The following DSCAML1 variants were observed in gnomAD, a reference collection of about 807,000 sequenced individuals.
The protein encoded by DSCAML1 is DS cell adhesion molecule like 1.
Under a neutral mutation model 200.5 loss-of-function variants are expected in DSCAML1, and 38 were observed. That is an observed-to-expected ratio of 0.19 (90% CI 0.15 to 0.25). DSCAML1 has a LOEUF of 0.25. Among genes scored for constraint, DSCAML1 ranks in the 10% least tolerant of loss-of-function variants. DSCAML1 has a pLI of 1.00. For synonymous variants in DSCAML1, 1,215 were observed against 1,165.0 expected (o/e 1.04, Z -0.87); for missense variants, 2,223 against 2,858.8 (o/e 0.78, Z 5.07).
chr11:117,548,885 G>A (rs2050424823), intron 3 of DSCAML1, among the ~76,000 whole-genome samples: 1 of 152,198 alleles, frequency 6.6e-6, no homozygotes, highest in Non-Finnish European at 1.5e-5. Flanking sequence ...CCGTGGAACT[G>A]TGCCTCACAT....
At chr11:117,759,923 C>T (rs2054769774) in intron 3 of DSCAML1, among the ~76,000 whole-genome samples, 1 of 152,112 alleles carries the variant, frequency 6.6e-6, no homozygotes, top group African/African-American at 2.4e-5. Flanking sequence ...GTTGAGAGCA[C>T]CAAGCCCTGC....
intron 3 of DSCAML1, among the ~76,000 whole-genome samples, chr11:117,573,599 A>G (rs961972297): frequency 2.0e-5 from 3 of 152,172 alleles, no homozygotes; most frequent in Non-Finnish European, 4.4e-5. Context: ...TGCAGTGAAG[A>G]CAGCTCTCCA....
intron 3 of DSCAML1, among the ~76,000 whole-genome samples, chr11:117,733,414 C>T (rs896347112): frequency 3.3e-5 from 5 of 152,014 alleles, no homozygotes; most frequent in Non-Finnish European, 7.4e-5. Flanking sequence ...GGATTTTTGG[C>T]CCTGTGAACA....
In DSCAML1 at chr11:117,514,572, C is replaced by CTTTT. The variant is rs532136039; in HGVS notation, c.1783+1891_1783+1894dup. Among the ~76,000 whole-genome samples, 71 of 98,266 alleles carry CTTTT rather than the reference C, an allele frequency of 7.2e-4. 1 individual carries two copies. Among genetic ancestry groups the CTTTT allele is most frequent in the African/African-American group, 1.7e-3 (41 of 24,278 alleles). The allele number at this position is 98,266 out of a possible 152,430, so 64.5% of individuals were successfully genotyped here. A position where few individuals can be genotyped will look rare whatever the true frequency, so the allele number is the denominator to read the frequency against. ...TTTACTTAACTTTTCTTTTCTTTTT[C>CTTTT]TTTTTTTTTTTTTTTTTTTTTTTTT... On this transcript the variant is annotated intron_variant, in intron 8 of 32. Transcript: ENST00000651296.
At chr11:117,574,585 T>G (rs2050900445) in intron 3 of DSCAML1, among the ~76,000 whole-genome samples, 1 of 152,156 alleles carries the variant, frequency 6.6e-6, no homozygotes, top group African/African-American at 2.4e-5. Flanking sequence ...GTCTCTGTGG[T>G]GCCTCCCCTT....
intron 3 of DSCAML1, among the ~76,000 whole-genome samples, chr11:117,623,800 G>T (rs1036045785): frequency 6.6e-6 from 1 of 152,166 alleles, no homozygotes; most frequent in Non-Finnish European, 1.5e-5. Context: ...TCTCCCAATA[G>T]ACGAGGTAGC....
At chr11:117,602,799 A>G (rs2051489140) in intron 3 of DSCAML1, among the ~76,000 whole-genome samples, 4 of 152,102 alleles carry the variant, frequency 2.6e-5, no homozygotes. Flanking sequence ...AGGAATTCAC[A>G]CACAAGTAAC....
chr11:117,481,771 GA>G (rs2048926911), intron 12 of DSCAML1, among the ~76,000 whole-genome samples, 191 bp downstream of exon 12: 1 of 152,052 alleles, frequency 6.6e-6, no homozygotes, highest in Non-Finnish European at 1.5e-5. Context: ...TCAGAAAGGA[GA>G]TACAGTGAAG....
At chr11:117,692,767 G>T (rs573821794) in intron 3 of DSCAML1, among the ~76,000 whole-genome samples, 1 of 152,158 alleles carries the variant, frequency 6.6e-6, no homozygotes, top group Non-Finnish European at 1.5e-5. Context: ...TGACCTGCAC[G>T]GAGGTATTTA....
chr11:117,460,990 C>A (rs574860076), intron 18 of DSCAML1, among the ~76,000 whole-genome samples: 1 of 152,190 alleles, frequency 6.6e-6, no homozygotes, highest in Middle Eastern at 3.4e-3. Context: ...TCATTAAACT[C>A]TTTGATCGCC....
At chr11:117,701,677 A>G (rs1789386070) in intron 3 of DSCAML1, among the ~76,000 whole-genome samples, 1 of 152,168 alleles carries the variant, frequency 6.6e-6, no homozygotes, top group South Asian at 2.1e-4. Flanking sequence ...TCTTCAAACA[A>G]AAATGCCGTG....
intron 3 of DSCAML1, among the ~76,000 whole-genome samples, chr11:117,726,770 C>A (rs1011588649): frequency 6.6e-6 from 1 of 152,116 alleles, no homozygotes; most frequent in Admixed American, 6.5e-5. Flanking sequence ...ACCTGCTAAA[C>A]CCCCAGCATG....
intron 15 of DSCAML1, among the ~76,000 whole-genome samples, chr11:117,470,291 C>T (rs1293432295): frequency 6.6e-6 from 1 of 152,174 alleles, no homozygotes; most frequent in East Asian, 1.9e-4. Context: ...AAAAGAATGT[C>T]TAGGCCGGGC....
intron 3 of DSCAML1, among the ~76,000 whole-genome samples, chr11:117,603,121 A>C (rs191642355): frequency 1.8e-3 from 274 of 152,284 alleles, no homozygotes; most frequent in Non-Finnish European, 2.3e-3. Context: ...ACAACAACAA[A>C]AAAACCCAAA....
intron 29 of DSCAML1, 43 bp downstream of exon 29, chr11:117,433,095 G>A (rs377587691): frequency 4.9e-4 from 769 of 1,554,968 alleles, no homozygotes; most frequent in Non-Finnish European, 6.5e-4. Flanking sequence ...GCCTGGGGAA[G>A]CACACCCAGC....
intron 3 of DSCAML1, among the ~76,000 whole-genome samples, chr11:117,686,977 T>C (rs2053410599): frequency 6.6e-6 from 1 of 152,246 alleles, no homozygotes; most frequent in African/African-American, 2.4e-5. Context: ...TTTAGGATTA[T>C]GAGTCTGTGA....
At chr11:117,531,931 AGGAGGGAGGAG>A (rs1248008112) in intron 4 of DSCAML1, among the ~76,000 whole-genome samples, 1 of 60,988 alleles carries the variant, frequency 1.6e-5, no homozygotes, top group Non-Finnish European at 2.8e-5. Flanking sequence ...AAGGGAAGGG[AGGAGGGAGGAG>A]GGAGGGAGGG....
At chr11:117,723,150 T>C (rs1447776787) in intron 3 of DSCAML1, among the ~76,000 whole-genome samples, 2 of 152,248 alleles carry the variant, frequency 1.3e-5, no homozygotes, top group Non-Finnish European at 2.9e-5. Context: ...TGCTGTAGTA[T>C]GTTAGCTGTT....
chr11:117,509,252 T>C (rs900254652), intron 8 of DSCAML1, among the ~76,000 whole-genome samples: 1 of 152,004 alleles, frequency 6.6e-6, no homozygotes, highest in Non-Finnish European at 1.5e-5. Context: ...AGGACACACA[T>C]GCTTTCAAAC....
Sources: allele counts gnomAD v4.1 joint callset (sites outside exome capture counted in the v4.1 genomes callset), GRCh38; gene constraint gnomAD v4.1.1; transcripts MANE v1.5; gene names NCBI Gene and HGNC (gene_info 2026-07-23, HGNC 2026-07-21).